The following C6orf52 variants were observed in gnomAD, a reference collection of about 807,000 sequenced individuals.
C6orf52 encodes chromosome 6 open reading frame 52, also known as putative uncharacterized protein C6orf52.
Under a neutral mutation model 16.6 loss-of-function variants are expected in C6orf52, and 16 were observed. The ratio of observed to expected loss-of-function variants is 0.96; its 90% confidence interval spans 0.65 to 1.46. The LOEUF is 1.46. Among genes scored for constraint, C6orf52 ranks in the 40% most tolerant of loss-of-function variants. The pLI is 0.00. For synonymous variants in C6orf52, 53 were observed against 61.4 expected, an observed-to-expected ratio of 0.86 and a Z score of 0.64; for missense variants, 166 against 182.3, an observed-to-expected ratio of 0.91 and a Z score of 0.52.
At chr6:10,693,342 T>TC (rs1769525649) in intron 1 of C6orf52, among the ~76,000 whole-genome samples, 1 of 152,252 alleles carries the variant, frequency 6.6e-6, no homozygotes, top group Non-Finnish European at 1.5e-5. Context: ...TGCTGAGAGA[T>TC]CTTTTGTCTC....
intron 4 of C6orf52, chr6:10,672,680 A>G: frequency 1.5e-6 from 1 of 659,672 alleles, no homozygotes; most frequent in Non-Finnish European, 2.7e-6. Context: ...AGAGCAGAGA[A>G]CTTGCTCACA....
intron 1 of C6orf52, 87 bp downstream of exon 1, chr6:10,694,407 C>T (rs1052557152): frequency 1.9e-5 from 3 of 154,444 alleles, no homozygotes; most frequent in African/African-American, 7.2e-5. Context: ...AACGCGGACA[C>T]ATCTAGCACT....
intron 1 of C6orf52, among the ~76,000 whole-genome samples, chr6:10,692,575 G>C (rs1406259927): frequency 2.0e-5 from 3 of 151,936 alleles, no homozygotes; most frequent in Non-Finnish European, 4.4e-5. Context: ...CGAGTAGCTG[G>C]GACTATAGGC....
chr6:10,674,204 C>T (rs1054342246), intron 4 of C6orf52, among the ~76,000 whole-genome samples: 1 of 152,072 alleles, frequency 6.6e-6, no homozygotes, highest in Admixed American at 6.5e-5. Context: ...TTCATGAGGG[C>T]TCTACCCTCA....
At chr6:10,682,975 A>C (rs2127466322) in intron 4 of C6orf52, among the ~76,000 whole-genome samples, 1 of 152,354 alleles carries the variant, frequency 6.6e-6, no homozygotes, top group East Asian at 1.9e-4. Flanking sequence ...CCCCTTTCTC[A>C]GTCCTTCAGA....
intron 4 of C6orf52, among the ~76,000 whole-genome samples, chr6:10,681,024 G>GC (rs1329982173): frequency 6.6e-6 from 1 of 152,104 alleles, no homozygotes; most frequent in Non-Finnish European, 1.5e-5. Flanking sequence ...CTGGTCTCAA[G>GC]CCCCTGGGCT....
chr6:10,692,404 T>A (rs1769402423), intron 1 of C6orf52, among the ~76,000 whole-genome samples: 1 of 152,238 alleles, frequency 6.6e-6, no homozygotes, highest in Non-Finnish European at 1.5e-5. Flanking sequence ...AATAATTTGA[T>A]TTTTTGTAAC....
chr6:10,679,314 C>G (rs1464527662), intron 4 of C6orf52, among the ~76,000 whole-genome samples: 1 of 151,434 alleles, frequency 6.6e-6, no homozygotes, highest in Non-Finnish European at 1.5e-5. Context: ...GTGGCAGGTG[C>G]CTCTAGTCCC....
Position 10,694,575 on chromosome 6 carries a change from A to C in C6orf52, c.-93T>G, listed in dbSNP as rs9467252. 1.1e-5 allele frequency: 2 copies of C among 186,096 alleles called. No homozygotes were observed. Among genetic ancestry groups the C allele is most frequent in the East Asian group, 1.5e-4 (1 of 6,514 alleles). The allele number at this position is 186,096 out of a possible 1,614,324, so 11.5% of individuals were successfully genotyped here. ...ACTAGTACACAGCCCACAACAATGC[A>C]CGCTGCCGGCGCTACAGCCCCTAAG... On this transcript the variant is annotated 5_prime_UTR_variant, in exon 1 of 5. Coordinates refer to ENST00000259983, the MANE Select transcript of C6orf52 (RefSeq NM_001145020.3).
At chr6:10,684,787 C>T (rs932993375) in intron 3 of C6orf52, 10 of 994,592 alleles carry the variant, frequency 1.0e-5, no homozygotes, top group African/African-American at 3.3e-5. Context: ...CAAGGACACA[C>T]GTTATTGGAG....
At chr6:10,686,058 G>A (rs909454664) in intron 3 of C6orf52, among the ~76,000 whole-genome samples, 5 of 152,104 alleles carry the variant, frequency 3.3e-5, no homozygotes, top group South Asian at 2.1e-4. Context: ...ATCTAACTGC[G>A]CTCGCTCTGT....
intron 1 of C6orf52, among the ~76,000 whole-genome samples, chr6:10,692,708 C>A (rs1010645577): frequency 6.6e-6 from 1 of 152,084 alleles, no homozygotes; most frequent in African/African-American, 2.4e-5. Flanking sequence ...ATGCGTGAGC[C>A]ACTGCGTCTG....
At position 10,687,136 on chromosome 6, in the gene C6orf52, C is replaced by G; in HGVS notation, c.100G>C (p.Glu34Gln). 6.4e-7 allele frequency: 1 copy of G among 1,551,430 alleles called. No individual in the cohort carries two copies. The highest frequency in any genetic ancestry group is 8.7e-7 in the Non-Finnish European group (1 of 1,146,778). The change falls in exon 3 of 5, where the codon GAG (glutamate) becomes CAG (glutamine). Residue 34 changes from glutamate to glutamine, a missense_variant. Coordinates refer to ENST00000259983, the MANE Select transcript of C6orf52 (RefSeq NM_001145020.3). ...CGGTAACTCTGGCTGGGCTGGAACT[C>G]CTGCTTCACTCTAATAGCAGAGGGG... Reference protein sequence around the residue: ...SLPSAIRVKQEFQPSQSYRYG... With the variant: ...SLPSAIRVKQQFQPSQSYRYG...
intron 4 of C6orf52, among the ~76,000 whole-genome samples, chr6:10,674,309 G>A (rs972859618): frequency 3.3e-5 from 5 of 152,062 alleles, no homozygotes; most frequent in Non-Finnish European, 7.3e-5. Flanking sequence ...TTGGCGAGGG[G>A]GAGGAACACA....
chr6:10,686,586 A>C (rs1768884347), intron 3 of C6orf52, among the ~76,000 whole-genome samples: 1 of 142,536 alleles, frequency 7.0e-6, no homozygotes, highest in Non-Finnish European at 1.5e-5. Flanking sequence ...ATATAGTGTT[A>C]AAGAGTAAAA....
Position 10,694,607 on chromosome 6 carries a change from G to GTGTAGAT in C6orf52, c.-126_-125insATCTACA. 26 of 197,376 alleles carry GTGTAGAT rather than the reference G, an allele frequency of 1.3e-4. No homozygotes were observed. Among genetic ancestry groups the GTGTAGAT allele is most frequent in the South Asian group, 7.3e-4 (10 of 13,742 alleles). The allele number at this position is 197,376 out of a possible 1,614,324, so 12.2% of individuals were successfully genotyped here. Reference sequence around the variant, plus strand: ...CGGCGCTACAGCCCCTAAGCAACCGGCCGGAAGTCGGCCCCACCTCCTCCT... The same window carrying GTGTAGAT: ...CGGCGCTACAGCCCCTAAGCAACCGGTGTAGATCCGGAAGTCGGCCCCACCTCCTCCT... On this transcript the variant is annotated 5_prime_UTR_variant, in exon 1 of 5. Coordinates refer to ENST00000259983, the MANE Select transcript of C6orf52 (RefSeq NM_001145020.3).
intron 4 of C6orf52, among the ~76,000 whole-genome samples, chr6:10,675,740 C>T (rs541767576): frequency 2.5e-4 from 38 of 152,322 alleles, no homozygotes; most frequent in African/African-American, 8.4e-4. Context: ...GACGATATCT[C>T]ACTACTGTGG....
intron 4 of C6orf52, among the ~76,000 whole-genome samples, chr6:10,673,315 G>T (rs1470765683): frequency 1.3e-5 from 2 of 152,178 alleles, no homozygotes. Flanking sequence ...CAGATTACAT[G>T]ATCTCTGCCC....
intron 1 of C6orf52, among the ~76,000 whole-genome samples, chr6:10,691,995 C>A (rs553648108): frequency 1.3e-5 from 2 of 152,278 alleles, no homozygotes; most frequent in South Asian, 4.1e-4. Flanking sequence ...TCTAAATAAT[C>A]ACCTTTTTAT....
Sources: allele counts gnomAD v4.1 joint callset (sites outside exome capture counted in the v4.1 genomes callset), GRCh38; gene constraint gnomAD v4.1.1; transcripts MANE v1.5; gene names NCBI Gene and HGNC (gene_info 2026-07-23, HGNC 2026-07-21).